Variants in IL1RAPL2 observed in about 807,000 individuals in gnomAD.
IL1RAPL2 encodes the protein X-linked interleukin-1 receptor accessory protein-like 2.
IL1RAPL2 carries 3 observed loss-of-function variants against 44.1 expected under a neutral mutation model. The observed-to-expected ratio is 0.07, with a 90% CI of 0.03 to 0.18. The LOEUF (loss-of-function observed/expected upper bound fraction) is 0.18, where lower values mean the gene tolerates loss of function less well. Among genes scored for constraint, IL1RAPL2 ranks in the 10% least tolerant of loss-of-function variants. The pLI, the probability that IL1RAPL2 is intolerant of heterozygous loss-of-function variation, is 1.00. For missense variants in IL1RAPL2, 391 were observed against 496.4 expected (o/e 0.79, Z 2.02); for synonymous variants, 181 against 178.8 (o/e 1.01, Z -0.10).
intron 2 of IL1RAPL2, among the ~76,000 whole-genome samples, chrX:105,012,295 C>T (rs1292977476): frequency 9.1e-6 from 1 of 109,977 alleles, no homozygotes; most frequent in Non-Finnish European, 1.9e-5. Context: ...CTGGGATGCA[C>T]AAATCAGTCC....
At chrX:105,551,522 C>G (rs1307820870) in intron 6 of IL1RAPL2, among the ~76,000 whole-genome samples, 3 of 110,876 alleles carry the variant, frequency 2.7e-5, no homozygotes, top group Non-Finnish European at 5.7e-5. Flanking sequence ...AAAGCAGCAG[C>G]CTGAAAAAAT....
chrX:104,979,172 A>G lies in IL1RAPL2; in HGVS notation c.83-216303A>G, dbSNP rs769860218. Among the ~76,000 whole-genome samples the G allele has an allele frequency of 8.1e-5, 9 of 111,638 alleles. No homozygotes were observed. The Middle Eastern group carries it at 0.014, about 176-fold the overall frequency. ...AACAGTTTTTTCATTCTAGAAATAG[A>G]CTCAAACACTAACATATATAATTAA... On this transcript the variant is annotated intron_variant, in intron 2 of 10. Transcript: ENST00000372582.
rs397895099 is a variant in IL1RAPL2, at chrX:104,798,500, T to TA, written c.82+139521dup. ...AGTGAAACCCTGTCTCTACTAAAAA[T>TA]AAAAAAAAAAAAAAAATTAGCCAGG... On this transcript the variant is annotated intron_variant, in intron 2 of 10. Coordinates refer to ENST00000372582, the MANE Select transcript of IL1RAPL2 (RefSeq NM_017416.2). 7.9e-3 allele frequency among the ~76,000 whole-genome samples: 731 copies of TA among 92,397 alleles called. 5 individuals are homozygous for TA. The highest frequency in any genetic ancestry group is 0.033 in the Middle Eastern group (6 of 182). The allele number at this position is 92,397 out of a possible 115,157, so 80.2% of individuals were successfully genotyped here. A position where few individuals can be genotyped will look rare whatever the true frequency, so the allele number is the denominator to read the frequency against.
chrX:104,582,443 C>CT (rs775654904), intron 1 of IL1RAPL2, among the ~76,000 whole-genome samples: 24 of 111,468 alleles, frequency 2.2e-4, no homozygotes, highest in African/African-American at 7.8e-4. Context: ...GGTTGGTATA[C>CT]TTTTTTCTAA....
chrX:104,973,361 A>G (rs938343849), intron 2 of IL1RAPL2, among the ~76,000 whole-genome samples: 1 of 112,066 alleles, frequency 8.9e-6, no homozygotes, highest in African/African-American at 3.2e-5. Flanking sequence ...CCTTTTAAGC[A>G]ATGTGAGTCA....
In IL1RAPL2 at chrX:105,013,978, A is replaced by G. The variant is rs148952916; in HGVS notation, c.83-181497A>G. Among the ~76,000 whole-genome samples the G allele has an allele frequency of 4.6e-3, 513 of 112,465 alleles. 3 individuals are homozygous for G. The highest frequency in any genetic ancestry group is 6.9e-3 in the Non-Finnish European group (369 of 53,142). On this transcript the variant is annotated intron_variant, in intron 2 of 10. Transcript: ENST00000372582. ...TTTGATATGAATCAACAAATCTAGC[A>G]TTATAAGCACCAGGCACATAGTGCG... is the stretch of plus-strand genomic sequence containing the variant.
intron 5 of IL1RAPL2, among the ~76,000 whole-genome samples, chrX:105,385,235 AG>A (rs2035467687): frequency 9.0e-6 from 1 of 111,220 alleles, no homozygotes; most frequent in Non-Finnish European, 1.9e-5. Flanking sequence ...TGATTTAGTT[AG>A]CTGTGGGTTT....
intron 6 of IL1RAPL2, among the ~76,000 whole-genome samples, chrX:105,638,898 C>T (rs1436173524): frequency 9.0e-6 from 1 of 111,008 alleles, no homozygotes; most frequent in Non-Finnish European, 1.9e-5. Context: ...TATTCTTTTC[C>T]CAGAATCATC....
intron 6 of IL1RAPL2, among the ~76,000 whole-genome samples, chrX:105,500,616 A>C (rs767101902): frequency 1.3e-4 from 15 of 111,462 alleles, no homozygotes; most frequent in African/African-American, 4.9e-4. Context: ...ATAAATTCTC[A>C]TCACTATAAC....
At chrX:104,887,690 G>A (rs1358383131) in intron 2 of IL1RAPL2, among the ~76,000 whole-genome samples, 1 of 111,758 alleles carries the variant, frequency 8.9e-6, no homozygotes, top group Admixed American at 9.5e-5. Flanking sequence ...CCAGAGGATG[G>A]GGAACCAATC....
intron 7 of IL1RAPL2, among the ~76,000 whole-genome samples, chrX:105,739,707 C>T (rs1006940510): frequency 1.9e-5 from 2 of 105,250 alleles, no homozygotes; most frequent in African/African-American, 6.9e-5. Context: ...CATAGTATTC[C>T]ATGGTGTATA....
intron 6 of IL1RAPL2, among the ~76,000 whole-genome samples, chrX:105,654,039 C>T (rs2037660510): frequency 9.1e-6 from 1 of 110,389 alleles, no homozygotes; most frequent in Non-Finnish European, 1.9e-5. Flanking sequence ...AAGTAACATA[C>T]TTCAAAAGTG....
At chrX:105,035,554 G>A (rs192283646) in intron 2 of IL1RAPL2, among the ~76,000 whole-genome samples, 1 of 111,310 alleles carries the variant, frequency 9.0e-6, no homozygotes, top group East Asian at 2.8e-4. Flanking sequence ...GTCCCACAGG[G>A]GAATAAAAAA....
intron 1 of IL1RAPL2, among the ~76,000 whole-genome samples, chrX:104,590,165 C>T (rs1928636737): frequency 9.0e-6 from 1 of 111,135 alleles, no homozygotes; most frequent in Non-Finnish European, 1.9e-5. Flanking sequence ...CTGTCCTGGC[C>T]TCCCGAGTAG....
intron 2 of IL1RAPL2, among the ~76,000 whole-genome samples, chrX:105,183,365 A>G (rs1415102181): frequency 1.8e-5 from 2 of 111,464 alleles, no homozygotes; most frequent in Admixed American, 1.9e-4. Flanking sequence ...ATGCAGGGAA[A>G]GCCTGTCCTC....
rs143803129 is a variant in IL1RAPL2 at position 104,663,899 on chromosome X, C to T, written c.82+4904C>T. ...GTTCTTATCATTGAATTTGATATGG[C>T]CAAAGGCATACTTGTTGAACTGTTA... is the stretch of plus-strand genomic sequence containing the variant. On this transcript the variant is annotated intron_variant, in intron 2 of 10. Transcript: ENST00000372582. Among the ~76,000 whole-genome samples, 7 of 109,432 alleles carry T rather than the reference C, an allele frequency of 6.4e-5. No homozygotes were observed. The East Asian group carries it at 1.7e-3, about 27-fold the overall frequency.
rs184817854 is a variant in IL1RAPL2, at chrX:105,209,979, C to G, written c.356+14231C>G. Among the ~76,000 whole-genome samples, 233 of 110,674 alleles carry G rather than the reference C, an allele frequency of 2.1e-3. 2 individuals are homozygous for G. Among genetic ancestry groups the G allele is most frequent in the Non-Finnish European group, 3.8e-3 (201 of 52,801 alleles). ...ATTTTCTTTCAGTTGGGCCCTACCC[C>G]AATCGTGTTTTTTATGCAGCTTGAT... On this transcript the variant is annotated intron_variant, in intron 3 of 10. Coordinates refer to ENST00000372582, the MANE Select transcript of IL1RAPL2 (RefSeq NM_017416.2).
intron 6 of IL1RAPL2, among the ~76,000 whole-genome samples, chrX:105,607,781 A>T (rs895953404): frequency 1.3e-4 from 14 of 109,955 alleles, no homozygotes; most frequent in African/African-American, 4.6e-4. Context: ...CAGTTCTTAT[A>T]GTAGTCCAGG....
chrX:105,214,302 AG>A lies in IL1RAPL2; in HGVS notation c.356+18555del, dbSNP rs1419833303. On this transcript the variant is annotated intron_variant, in intron 3 of 10. Transcript: ENST00000372582. Reference sequence around the variant, plus strand: ...TTTACTAAGCAAATGGAAAGCAAAAAGAAGCAAGGGTTGCAATCCTAGTCTC... The same window carrying A: ...TTTACTAAGCAAATGGAAAGCAAAAAAAGCAAGGGTTGCAATCCTAGTCTC... Among the ~76,000 whole-genome samples the A allele has an allele frequency of 7.6e-5, 8 of 105,641 alleles. No homozygotes were observed. The East Asian group carries it at 2.4e-3, about 31-fold the overall frequency. The allele number at this position is 105,641 out of a possible 115,157, so 91.7% of individuals were successfully genotyped here. A position where few individuals can be genotyped will look rare whatever the true frequency, so the allele number is the denominator to read the frequency against.
Sources: allele counts gnomAD v4.1 joint callset (sites outside exome capture counted in the v4.1 genomes callset), GRCh38; gene constraint gnomAD v4.1.1; transcripts MANE v1.5; gene names NCBI Gene and HGNC (gene_info 2026-07-23, HGNC 2026-07-21).